The following CNNM3 variants were observed in gnomAD, a reference collection of about 807,000 sequenced individuals.
The protein encoded by CNNM3 is cyclin and CBS domain divalent metal cation transport mediator 3.
CNNM3 carries 47 observed loss-of-function variants against 57.1 expected under a neutral mutation model. The observed-to-expected ratio is 0.82, with a 90% CI of 0.65 to 1.05. The LOEUF (loss-of-function observed/expected upper bound fraction) is 1.05. Among genes scored for constraint, CNNM3 ranks in the 50% least tolerant of loss-of-function variants. The pLI, the probability that CNNM3 is intolerant of heterozygous loss-of-function variation, is 0.00. For synonymous variants in CNNM3, 507 were observed against 478.2 expected (o/e 1.06, Z -0.79); for missense variants, 957 against 973.7 (o/e 0.98, Z 0.23).
chr2:96,822,605 TG>T (rs1257951712), intron 1 of CNNM3, among the ~76,000 whole-genome samples: 1 of 152,216 alleles, frequency 6.6e-6, no homozygotes, highest in Non-Finnish European at 1.5e-5. Context: ...CCACTGTGCC[TG>T]GCCGCAGTCT....
chr2:96,817,585 G>A, intron 1 of CNNM3, 83 bp downstream of exon 1: 7 of 1,378,850 alleles, frequency 5.1e-6, no homozygotes, highest in Non-Finnish European at 2.0e-6. Flanking sequence ...GAAGCCTTCT[G>A]GAAAGGGTCC....
downstream of CNNM3, among the ~76,000 whole-genome samples, chr2:96,836,234 A>G (rs1574123781): frequency 1.4e-5 from 2 of 141,682 alleles, no homozygotes; most frequent in Non-Finnish European, 3.0e-5. Context: ...CACCACACCC[A>G]GCTAATTTTT....
At chr2:96,831,607 C>T (rs893216962) in intron 7 of CNNM3, among the ~76,000 whole-genome samples, 3 of 152,212 alleles carry the variant, frequency 2.0e-5, no homozygotes, top group African/African-American at 7.2e-5. Flanking sequence ...GTAGCTGTGA[C>T]AGAGACTATA....
rs1180371533 is a variant in CNNM3 at position 96,816,734 on chromosome 2, GGCCTGCAGCTGAGCGCGCTGGCGCTGGC to G, written c.464_491del (p.Gln155ProfsTer80). 9.9e-7 allele frequency: 1 copy of G among 1,013,830 alleles called. No homozygotes were observed. The highest frequency in any genetic ancestry group is 1.2e-6 in the Non-Finnish European group (1 of 850,578). 62.8% of individuals were successfully genotyped at this position (1,013,830 alleles called of 1,614,324 possible). A position where few individuals can be genotyped will look rare whatever the true frequency, so the allele number is the denominator to read the frequency against. ...GCTGGCGCTGGCAGCGCTGGCGCGA[GGCCTGCAGCTGAGCGCGCTGGCGCTGGC>G]GCCTGCCGAGGTGCAGGTGCTGCGC... is the stretch of plus-strand genomic sequence containing the variant. On this transcript the variant is annotated frameshift_variant, in exon 1 of 8. Coordinates refer to ENST00000305510, the MANE Select transcript of CNNM3 (RefSeq NM_017623.5). LOFTEE classifies it high-confidence loss of function.
intron 7 of CNNM3, 78 bp downstream of exon 7, chr2:96,829,212 G>A (rs1295453518): frequency 2.1e-5 from 31 of 1,488,780 alleles, no homozygotes; most frequent in East Asian, 9.7e-5. Context: ...TTGCACTCTC[G>A]CCGCCCCCCC....
chr2:96,818,256 T>C (rs2079355069), intron 1 of CNNM3, among the ~76,000 whole-genome samples: 1 of 152,118 alleles, frequency 6.6e-6, no homozygotes, highest in Non-Finnish European at 1.5e-5. Flanking sequence ...GGCTAATTTT[T>C]GTATTTTTAG....
At chr2:96,825,991 A>G (rs992140243) in intron 2 of CNNM3, among the ~76,000 whole-genome samples, 2 of 152,036 alleles carry the variant, frequency 1.3e-5, no homozygotes, top group Non-Finnish European at 2.9e-5. Context: ...AGGGCTGTAC[A>G]GAGTCTGTGC....
intron 7 of CNNM3, among the ~76,000 whole-genome samples, chr2:96,831,227 G>A (rs1192643937): frequency 6.6e-6 from 1 of 152,182 alleles, no homozygotes; most frequent in Non-Finnish European, 1.5e-5. Flanking sequence ...CAGTGAGGCT[G>A]GCCTGCTGTC....
rs1559008866 is a variant in CNNM3, at chr2:96,822,008, T to TA, written c.1226-3050_1226-3049insA. Among the ~76,000 whole-genome samples, 185 of 142,414 alleles carry TA rather than the reference T, an allele frequency of 1.3e-3. 3 individuals are homozygous for TA. In the East Asian group the frequency reaches 0.028, roughly 22 times the overall value. The allele number at this position is 142,414 out of a possible 152,430, so 93.4% of individuals were successfully genotyped here. On this transcript the variant is annotated intron_variant, in intron 1 of 7. Coordinates refer to ENST00000305510, the MANE Select transcript of CNNM3 (RefSeq NM_017623.5). ...GAACATTATTATTATTATTATTATT[T>TA]TTTTTTTTTTTTTGAGATGGAGTGT...
Position 96,817,758 on chromosome 2 carries a change from C to G in CNNM3, c.1225+256C>G, listed in dbSNP as rs552584641. Among the ~76,000 whole-genome samples, 9 of 152,098 alleles carry G rather than the reference C, an allele frequency of 5.9e-5. No individual in the cohort carries two copies. The East Asian group carries it at 7.7e-4, about 13-fold the overall frequency. Reference sequence around the variant, plus strand: ...ACCCCCGCGTCAGGATAGCCCCCCCCCCCCATTTGCAGGGAGGGGTATGTC... The same window carrying G: ...ACCCCCGCGTCAGGATAGCCCCCCCGCCCCATTTGCAGGGAGGGGTATGTC... On this transcript the variant is annotated intron_variant, in intron 1 of 7. Coordinates refer to ENST00000305510, the MANE Select transcript of CNNM3 (RefSeq NM_017623.5).
At position 96,816,902 on chromosome 2, in the gene CNNM3, C is replaced by G; in HGVS notation, c.625C>G (p.Leu209Val). ...GCTGGCCAGCCTGGCGCAGGCGGCGCTGGCGGTGCTGCTGTACCGCGCGGC... is the reference window on the plus strand; with the variant it reads ...GCTGGCCAGCCTGGCGCAGGCGGCGGTGGCGGTGCTGCTGTACCGCGCGGC... ...LLLASLAQAA[L>V]AVLLYRAAGQ... is the part of the protein sequence containing the mutation. Residue 209 changes from leucine (L) to valine (V), a missense_variant, in exon 1 of 8, where the codon CTG (leucine) becomes GTG (valine). By Grantham distance (32) the Leu-to-Val change is conservative (BLOSUM62 1). Transcript: ENST00000305510. 1.8e-6 allele frequency: 2 copies of G among 1,131,108 alleles called. No individual in the cohort carries two copies. 70.1% of individuals were successfully genotyped at this position (1,131,108 alleles called of 1,614,324 possible).
At position 96,816,467 on chromosome 2, in the gene CNNM3, C is replaced by A; in HGVS notation, c.190C>A (p.Leu64Met). The change falls in exon 1 of 8, where the codon CTG becomes ATG. Residue 64 changes from leucine to methionine, a missense_variant. By Grantham distance (15) the Leu-to-Met change is conservative. Around this residue, in one of 2 missense-constraint regions of CNNM3, gnomAD observed 466 missense variants for 403.1 expected, o/e 1.16. Coordinates refer to ENST00000305510, the MANE Select transcript of CNNM3 (RefSeq NM_017623.5). ...ARDTPDATFL[L>M]RLFGPGFANS... is the part of the protein sequence containing the mutation. The stretch of plus-strand genomic sequence containing the variant: ...GGACACGCCGGACGCCACCTTCCTC[C>A]TGCGCCTCTTCGGCCCGGGCTTCGC... The A allele has an allele frequency of 6.9e-7, 1 of 1,456,648 alleles. No homozygotes were observed. Among genetic ancestry groups the A allele is most frequent in the Middle Eastern group, 2.2e-4 (1 of 4,454 alleles). The allele number at this position is 1,456,648 out of a possible 1,614,324, so 90.2% of individuals were successfully genotyped here.
In CNNM3 at chr2:96,817,031, G is replaced by A; in HGVS notation, c.754G>A (p.Ala252Thr). The stretch of plus-strand genomic sequence containing the variant: ...GAGCGGGCGCTGGACGCTGGCGCTG[G>A]CGCCGCGAGCGCTCGGCCTCAGCCG... The part of the protein sequence containing the change: ...AVSGRWTLAL[A>T]PRALGLSRLA... The change falls in exon 1 of 8, where the codon GCG becomes ACG. Residue 252 changes from alanine (A) to threonine (T), a missense_variant. By Grantham distance (58) the Ala-to-Thr change is moderately conservative. Coordinates refer to ENST00000305510, the MANE Select transcript of CNNM3 (RefSeq NM_017623.5). 7.3e-7 allele frequency: 1 copy of A among 1,365,940 alleles called. No individual in the cohort carries two copies. The highest frequency in any genetic ancestry group is 2.7e-4 in the Middle Eastern group (1 of 3,708). 84.6% of individuals were successfully genotyped at this position (1,365,940 alleles called of 1,614,324 possible).
At chr2:96,828,065 C>T in intron 4 of CNNM3, 34 bp from the exon 5 acceptor site, 1 of 1,596,604 alleles carries the variant, frequency 6.3e-7, no homozygotes, top group Non-Finnish European at 8.6e-7. Context: ...GGTAATCTGG[C>T]CGCATCTGTT....
Position 96,828,751 on chromosome 2 carries a change from C to A in CNNM3, c.1920+51C>A, listed in dbSNP as rs751286696. 49 of 1,609,366 alleles carry A rather than the reference C, an allele frequency of 3.0e-5. No homozygotes were observed. The East Asian group carries it at 9.8e-4, about 32-fold the overall frequency. ...GCTGGCTTTAGCCGACTTTGTGTCA[C>A]CGGGGGCTAGACCAGCTGGTCTGAG... On this transcript the variant is annotated intron_variant, in intron 6 of 7. Transcript: ENST00000305510.
intron 3 of CNNM3, among the ~76,000 whole-genome samples, chr2:96,827,447 T>TAGTAG (rs1242142280): frequency 6.6e-6 from 1 of 152,060 alleles, no homozygotes; most frequent in East Asian, 1.9e-4. Flanking sequence ...TTTGTATTTT[T>TAGTAG]AGTAGAGGCG....
rs1357527152 is a variant in CNNM3 at position 96,825,142 on chromosome 2, T to G, written c.1310T>G (p.Leu437Arg). 6.2e-7 allele frequency: 1 copy of G among 1,614,148 alleles called. No homozygotes were observed. Among genetic ancestry groups the G allele is most frequent in the East Asian group, 2.2e-5 (1 of 44,862 alleles). Residue 437 changes from leucine (L) to arginine (R), a missense_variant, in exon 2 of 8, where the codon CTG becomes CGG. Around this residue, in one of 2 missense-constraint regions of CNNM3, gnomAD observed 491 missense variants for 570.6 expected, o/e 0.86. Transcript: ENST00000305510. ...TACGAGGTCCTGGGCCTGGTCACCC[T>G]GGAGGACGTGATCGAGGAGATCATC... ...PFYEVLGLVT[L>R]EDVIEEIIRS... is the part of the protein sequence containing the mutation.
chr2:96,828,347 G>C (rs377754582), intron 5 of CNNM3, 152 bp downstream of exon 5: 2 of 825,692 alleles, frequency 2.4e-6, no homozygotes, highest in Non-Finnish European at 3.8e-6. Context: ...GCTTCCAGGA[G>C]GGAGGGCAGC....
rs1020255800 is a variant in CNNM3 at position 96,828,589 on chromosome 2, G to A, written c.1809G>A (p.Ser603=). 8.1e-6 allele frequency: 13 copies of A among 1,614,002 alleles called. No homozygotes were observed. Among genetic ancestry groups the A allele is most frequent in the South Asian group, 1.1e-5 (1 of 91,082 alleles). ...TAGTTCACCAGTCCCCGGTGTCCTCGCTCCAGCCCATCCGCCATGACCTGC... is the reference window on the plus strand; with the variant it reads ...TAGTTCACCAGTCCCCGGTGTCCTCACTCCAGCCCATCCGCCATGACCTGC... ...PSSVHQSPVS[S]LQPIRHDLQP... The change falls in exon 6 of 8, where the codon TCG becomes TCA. Residue 603 remains serine (S), a synonymous_variant. Coordinates refer to ENST00000305510, the MANE Select transcript of CNNM3 (RefSeq NM_017623.5).
Sources: gnomAD v4.1 joint callset for allele counts (sites outside exome capture counted in the v4.1 genomes callset) on GRCh38, gnomAD v4.1.1 for gene constraint, gnomAD v4.1.1 regional missense constraint, MANE v1.5 for transcripts, NCBI Gene and HGNC (gene_info 2026-07-23, HGNC 2026-07-21) for gene names.